Variants in EXOC6 observed in about 807,000 individuals in gnomAD.
EXOC6 encodes the protein exocyst complex component 6, also known as SEC15-like 1.
In EXOC6, 60 loss-of-function variants were observed where a neutral mutation model predicts 112.5. The ratio of observed to expected loss-of-function variants is 0.53; its 90% CI spans 0.43 to 0.66. EXOC6 has a LOEUF of 0.66. Ranked by LOEUF, EXOC6 falls within the 30% of genes least tolerant of loss-of-function variation. The probability of loss-of-function intolerance (pLI) is 0.00; values close to 1 mark genes in which losing one functional copy is unlikely to be tolerated. For synonymous variants in EXOC6, 295 were observed against 308.0 expected (o/e 0.96, Z 0.44); for missense variants, 855 against 957.1 (o/e 0.89, Z 1.41).
At chr10:92,827,233 G>A (rs555053591) in intron 1 of EXOC6, among the ~76,000 whole-genome samples, 6 of 151,644 alleles carry the variant, frequency 4.0e-5, no homozygotes, top group African/African-American at 1.5e-4. Context: ...CCTCACTTTG[G>A]GAGGCTGAGG....
intron 19 of EXOC6, among the ~76,000 whole-genome samples, chr10:93,010,489 CAGAAGTTTGAG>C (rs1425995645): frequency 9.9e-5 from 15 of 151,896 alleles, no homozygotes; most frequent in Non-Finnish European, 2.1e-4. Flanking sequence ...CACTGGAGGT[CAGAAGTTTGAG>C]ACCAGCTGGC....
intron 5 of EXOC6, among the ~76,000 whole-genome samples, chr10:92,908,741 A>T (rs546008047): frequency 2.0e-4 from 30 of 152,346 alleles, no homozygotes; most frequent in African/African-American, 7.0e-4. Context: ...ATATGAAAAT[A>T]TATGTCAATT....
intron 1 of EXOC6, among the ~76,000 whole-genome samples, chr10:92,879,613 A>C (rs1278308205): frequency 6.6e-6 from 1 of 152,226 alleles, no homozygotes; most frequent in Admixed American, 6.5e-5. Context: ...CTGATGAAGA[A>C]GACAAGTAAA....
intron 1 of EXOC6, among the ~76,000 whole-genome samples, chr10:92,849,433 C>T (rs1168736389): frequency 6.6e-6 from 1 of 152,154 alleles, no homozygotes; most frequent in African/African-American, 2.4e-5. Flanking sequence ...AACTGAGTAC[C>T]TGCTGTTCCA....
At chr10:92,871,668 G>A (rs946058734) in intron 1 of EXOC6, among the ~76,000 whole-genome samples, 11 of 151,814 alleles carry the variant, frequency 7.2e-5, no homozygotes, top group South Asian at 2.1e-4. Context: ...TTAGCTGGGC[G>A]TGGTGGTGCA....
chr10:93,028,054 T>A (rs1845103920), intron 20 of EXOC6, among the ~76,000 whole-genome samples: 1 of 152,120 alleles, frequency 6.6e-6, no homozygotes, highest in Non-Finnish European at 1.5e-5. Flanking sequence ...CCCGACACTT[T>A]GGGAGGCCGA....
intron 16 of EXOC6, among the ~76,000 whole-genome samples, chr10:92,955,234 G>C (rs1483143575): frequency 6.6e-6 from 1 of 152,018 alleles, no homozygotes; most frequent in Non-Finnish European, 1.5e-5. Context: ...AGATAAAGAT[G>C]TTAGAATATC....
chr10:92,948,315 T>C lies in EXOC6; in HGVS notation c.1352T>C (p.Val451Ala), dbSNP rs1469158714. ...GATAATTACAGCCCCATCCCTGTTG[T>C]CAATGAAGAAGAATATAAAATTGTC... ...EEDNYSPIPV[V>A]NEEEYKIVIS... The change falls in exon 14 of 22, where the codon GTC (valine) becomes GCC (alanine). Residue 451 changes from valine to alanine, a missense_variant. Transcript: ENST00000260762. 1 of 1,610,646 alleles carries C rather than the reference T, an allele frequency of 6.2e-7. No homozygotes were observed. Among genetic ancestry groups the C allele is most frequent in the Non-Finnish European group, 8.5e-7 (1 of 1,178,748 alleles).
intron 1 of EXOC6, among the ~76,000 whole-genome samples, chr10:92,851,651 AAAAAAC>A (rs1279367010): frequency 1.6e-4 from 25 of 151,970 alleles, no homozygotes; most frequent in African/African-American, 5.6e-4. Flanking sequence ...CTCCATCTTA[AAAAAAC>A]AAAAACAAAA....
intron 20 of EXOC6, among the ~76,000 whole-genome samples, chr10:93,040,009 C>T (rs1845686931): frequency 6.6e-6 from 1 of 152,218 alleles, no homozygotes; most frequent in African/African-American, 2.4e-5. Flanking sequence ...TGTTCCTCCA[C>T]TCTTGAGTGA....
At chr10:93,033,685 C>T (rs756574576) in intron 20 of EXOC6, among the ~76,000 whole-genome samples, 6 of 152,208 alleles carry the variant, frequency 3.9e-5, no homozygotes, top group South Asian at 4.1e-4. Context: ...TAAAACTGTT[C>T]GCAGTAAAAA....
At position 92,955,676 on chromosome 10, in the gene EXOC6, G is replaced by A. The variant is rs746845541; in HGVS notation, c.1735G>A (p.Val579Ile). The A allele has an allele frequency of 8.1e-6, 13 of 1,612,212 alleles. No homozygotes were observed. Among genetic ancestry groups the A allele is most frequent in the South Asian group, 4.4e-5 (4 of 90,896 alleles). ...CATTACAAATATTTCCCAAGAAACT[G>A]TTCATACTACAAGACTTTATGGACT... The part of the protein sequence containing the change: ...TNITNISQET[V>I]HTTRLYGLST... The change falls in exon 17 of 22, where the codon GTT becomes ATT. Residue 579 changes from valine (V) to isoleucine (I), a missense_variant. By Grantham distance (29) the Val-to-Ile change is conservative (BLOSUM62 3). Around this residue, in one of 2 missense-constraint regions of EXOC6, gnomAD observed 450 missense variants for 563.5 expected, o/e 0.80. Transcript: ENST00000260762.
intron 20 of EXOC6, among the ~76,000 whole-genome samples, chr10:93,025,257 T>C (rs1564920121): frequency 6.6e-6 from 1 of 152,204 alleles, no homozygotes; most frequent in Non-Finnish European, 1.5e-5. Context: ...CTAGACTGCA[T>C]TCATGAAATT....
intron 18 of EXOC6, among the ~76,000 whole-genome samples, chr10:92,994,393 A>G (rs1843390145): frequency 6.9e-6 from 1 of 144,924 alleles, no homozygotes; most frequent in South Asian, 2.2e-4. Flanking sequence ...CCTTTGAAAT[A>G]TAAGAAGTTT....
chr10:92,974,557 G>A (rs1009765812), intron 18 of EXOC6, among the ~76,000 whole-genome samples: 2 of 151,734 alleles, frequency 1.3e-5, no homozygotes, highest in South Asian at 2.1e-4. Context: ...TCCCTCTCCC[G>A]TCTCCCTCTC....
intron 1 of EXOC6, among the ~76,000 whole-genome samples, chr10:92,866,170 T>G (rs1474881482): frequency 6.6e-6 from 1 of 152,158 alleles, no homozygotes; most frequent in Non-Finnish European, 1.5e-5. Flanking sequence ...TTTCCTAGTA[T>G]TATCTTAACT....
chr10:92,926,916 A>G (rs1393388376), intron 8 of EXOC6, among the ~76,000 whole-genome samples: 1 of 152,178 alleles, frequency 6.6e-6, no homozygotes, highest in African/African-American at 2.4e-5. Flanking sequence ...TTATCTTTAA[A>G]TGCATTATAT....
In EXOC6 at chr10:92,955,719, G is replaced by A. The variant is rs373035261; in HGVS notation, c.1773+5G>A. ...TATGGACTTTCTACTTTCAAGGTAT[G>A]TAAAAATTTGACCAAAAGTTTTCAT... On this transcript the variant is annotated splice_donor_5th_base_variant and intron_variant, in intron 17 of 21. Transcript: ENST00000260762. 1.4e-5 allele frequency: 23 copies of A among 1,599,884 alleles called. No homozygotes were observed. In the African/African-American group the frequency reaches 2.8e-4, roughly 20 times the overall value.
chr10:92,912,273 A>G (rs1341300725), intron 6 of EXOC6, among the ~76,000 whole-genome samples: 1 of 151,932 alleles, frequency 6.6e-6, no homozygotes, highest in African/African-American at 2.4e-5. Flanking sequence ...TATATTTGCT[A>G]TCTCAGATAG....
Sources: allele counts gnomAD v4.1 joint callset (sites outside exome capture counted in the v4.1 genomes callset), GRCh38; gene constraint gnomAD v4.1.1; regional missense constraint gnomAD v4.1.1; transcripts MANE v1.5; gene names NCBI Gene and HGNC (gene_info 2026-07-23, HGNC 2026-07-21).